Variants in PIK3C3 observed in about 807,000 individuals in gnomAD.
The protein encoded by PIK3C3 is phosphatidylinositol 3-kinase catalytic subunit type 3, also known as PI3-kinase type 3.
PIK3C3 carries 95 observed loss-of-function variants against 126.1 expected under a neutral mutation model. The ratio of observed to expected loss-of-function variants is 0.75; its 90% CI spans 0.64 to 0.89. The LOEUF is 0.89. Ranked by LOEUF, PIK3C3 falls within the 40% of genes least tolerant of loss-of-function variation. The pLI, the probability that PIK3C3 is intolerant of heterozygous loss-of-function variation, is 0.00. For missense variants in PIK3C3, 829 were observed against 1,063.2 expected (o/e 0.78, Z 3.06); for synonymous variants, 374 against 360.0 (o/e 1.04, Z -0.44).
intron 24 of PIK3C3, chr18:42,070,362 C>T (rs1276654937): frequency 6.6e-6 from 1 of 152,160 alleles, no homozygotes; most frequent in South Asian, 2.1e-4. Flanking sequence ...TAAAGTTGAG[C>T]CTTCAAGTTC....
chr18:42,024,827 G>A (rs1464587140), intron 13 of PIK3C3, among the ~76,000 whole-genome samples: 1 of 145,424 alleles, frequency 6.9e-6, no homozygotes, highest in Non-Finnish European at 1.5e-5. Context: ...TTTTTGAGAT[G>A]GAGTCTTGCT....
At chr18:41,956,928 T>C (rs1011364008) in intron 1 of PIK3C3, among the ~76,000 whole-genome samples, 14 of 152,240 alleles carry the variant, frequency 9.2e-5, no homozygotes, top group Non-Finnish European at 2.1e-4. Context: ...GTAATCTTGA[T>C]GTCTAAAAAA....
chr18:41,978,025 A>C (rs1447068094), intron 4 of PIK3C3, among the ~76,000 whole-genome samples: 1 of 152,088 alleles, frequency 6.6e-6, no homozygotes, highest in Non-Finnish European at 1.5e-5. Flanking sequence ...GCAGTGGCAC[A>C]CTCACAGCTC....
chr18:42,027,212 A>G (rs1010019388), intron 13 of PIK3C3: 61 of 234,850 alleles, frequency 2.6e-4, no homozygotes, highest in African/African-American at 1.2e-3. Flanking sequence ...AAAATTTGGG[A>G]TATTACACAA....
chr18:42,020,553 A>G, intron 12 of PIK3C3, 85 bp from the exon 13 acceptor site: 1 of 831,096 alleles, frequency 1.2e-6, no homozygotes, highest in Non-Finnish European at 2.0e-6. Context: ...TACAGATGAA[A>G]ACTGATAGGC....
chr18:42,070,535 AAGT>A (rs780546556), intron 24 of PIK3C3: 4 of 152,142 alleles, frequency 2.6e-5, no homozygotes, highest in Non-Finnish European at 5.9e-5. Context: ...GGTTGATAAA[AAGT>A]AGTAGTTTTT....
chr18:42,056,482 T>C (rs557668623), intron 21 of PIK3C3, among the ~76,000 whole-genome samples: 1 of 152,298 alleles, frequency 6.6e-6, no homozygotes, highest in East Asian at 1.9e-4. Context: ...GGCAGTTTTG[T>C]GTCAGAGATT....
chr18:41,962,678 G>T (rs1439707398), intron 3 of PIK3C3, 46 bp downstream of exon 3: 5 of 1,562,444 alleles, frequency 3.2e-6, no homozygotes, highest in Non-Finnish European at 4.3e-6. Flanking sequence ...GCAGCTTTCT[G>T]ACCCTTTTCT....
chr18:42,039,873 A>G (rs1160869664), intron 18 of PIK3C3, among the ~76,000 whole-genome samples: 1 of 152,196 alleles, frequency 6.6e-6, no homozygotes, highest in Non-Finnish European at 1.5e-5. Context: ...TCAAGAAACA[A>G]TAAATACCTG....
In PIK3C3 at chr18:41,957,410, A is replaced by T. The variant is rs141411883; in HGVS notation, c.69-160A>T. Among the ~76,000 whole-genome samples the T allele has an allele frequency of 3.3e-3, 497 of 152,338 alleles. 4 individuals carry two copies. The highest frequency in any genetic ancestry group is 0.012 in the African/African-American group (480 of 41,578). On this transcript the variant is annotated intron_variant, in intron 1 of 24. Coordinates refer to ENST00000262039, the MANE Select transcript of PIK3C3 (RefSeq NM_002647.4). ...TGACATTAATTTCATATACAGGAAA[A>T]TGTTGTTTAGGTAGCATACCTTAAC...
At position 41,985,426 on chromosome 18, in the gene PIK3C3, G is replaced by T. The variant is rs60389661; in HGVS notation, c.532-2386G>T. 3.1e-3 allele frequency among the ~76,000 whole-genome samples: 472 copies of T among 152,158 alleles called. 4 individuals are homozygous for T. The highest frequency in any genetic ancestry group is 9.3e-3 in the African/African-American group (386 of 41,522). On this transcript the variant is annotated intron_variant, in intron 4 of 24. Coordinates refer to ENST00000262039, the MANE Select transcript of PIK3C3 (RefSeq NM_002647.4). ...TTTTTGCTGTCAATCTCAAAGTCAG[G>T]TACAGGAGACAGACATGCAAACAAT...
chr18:41,957,851 T>G, intron 2 of PIK3C3, 93 bp downstream of exon 2: 2 of 922,314 alleles, frequency 2.2e-6, no homozygotes, highest in Non-Finnish European at 3.3e-6. Flanking sequence ...TATAGAGGAA[T>G]TTCTTAATAC....
Position 42,033,858 on chromosome 18 carries a change from T to G in PIK3C3, c.1740T>G (p.Asn580Lys), listed in dbSNP as rs1029692421. 6.2e-7 allele frequency: 1 copy of G among 1,605,004 alleles called. No individual in the cohort carries two copies. Among genetic ancestry groups the G allele is most frequent in the Non-Finnish European group, 8.5e-7 (1 of 1,174,706 alleles). ...GACTACAGGCATTGCTTGGAGATAA[T>G]GAAAAGATGAATTTGTCAGATGTGG... ...NERLQALLGD[N>K]EKMNLSDVEL... Residue 580 changes from asparagine to lysine, a missense_variant, in exon 16 of 25, where the codon AAT (asparagine) becomes AAG (lysine). Around this residue, in one of 4 missense-constraint regions of PIK3C3, gnomAD observed 256 missense variants for 291.0 expected, o/e 0.88. Coordinates refer to ENST00000262039, the MANE Select transcript of PIK3C3 (RefSeq NM_002647.4).
At chr18:41,993,499 A>G (rs540027187) in intron 7 of PIK3C3, among the ~76,000 whole-genome samples, 158 bp downstream of exon 7, 1 of 152,108 alleles carries the variant, frequency 6.6e-6, no homozygotes, top group African/African-American at 2.4e-5. Context: ...ACTGTTTCTG[A>G]TGGAATTTTA....
At chr18:42,003,149 C>A (rs1006284629) in intron 9 of PIK3C3, among the ~76,000 whole-genome samples, 1 of 151,462 alleles carries the variant, frequency 6.6e-6, no homozygotes, top group Admixed American at 6.6e-5. Context: ...TTAATAAAAT[C>A]AAGAATAAGT....
chr18:42,000,621 A>T (rs996750815), intron 9 of PIK3C3, among the ~76,000 whole-genome samples: 5 of 152,132 alleles, frequency 3.3e-5, no homozygotes, highest in African/African-American at 1.2e-4. Context: ...TCTGATAAAG[A>T]CATACCTGAG....
At chr18:42,047,281 G>A (rs921477400) in intron 20 of PIK3C3, among the ~76,000 whole-genome samples, 5 of 152,248 alleles carry the variant, frequency 3.3e-5, no homozygotes, top group African/African-American at 4.8e-5. Flanking sequence ...TAGGAATTTC[G>A]CTTGTCTTCA....
Position 42,067,561 on chromosome 18 carries a change from G to T in PIK3C3, c.2649+48G>T, listed in dbSNP as rs184636697. 2.6e-5 allele frequency: 42 copies of T among 1,600,152 alleles called. No homozygotes were observed. The African/African-American group carries it at 4.7e-4, about 18-fold the overall frequency. The stretch of plus-strand genomic sequence containing the variant: ...ATTTTTCTCACCTTCTCCGTGTACT[G>T]CCCCAGAGTCCTTGGAGAGCCATGC... On this transcript the variant is annotated intron_variant, in intron 24 of 24. Transcript: ENST00000262039.
At chr18:42,045,386 A>G (rs906795104) in intron 20 of PIK3C3, among the ~76,000 whole-genome samples, 3 of 152,018 alleles carry the variant, frequency 2.0e-5, no homozygotes, top group South Asian at 2.1e-4. Context: ...CTTCAAGTCT[A>G]TGTTTTCTGT....
Sources: gnomAD v4.1 joint callset for allele counts (sites outside exome capture counted in the v4.1 genomes callset) on GRCh38, gnomAD v4.1.1 for gene constraint, gnomAD v4.1.1 regional missense constraint, MANE v1.5 for transcripts, NCBI Gene and HGNC (gene_info 2026-07-23, HGNC 2026-07-21) for gene names.